STK10: variants seen among roughly 807,000 people sequenced by gnomAD.
STK10 encodes the protein serine/threonine-protein kinase 10.
A neutral mutation model predicts 113.8 loss-of-function variants in STK10; 78 were observed. The ratio of observed to expected loss-of-function variants is 0.69; its 90% CI spans 0.57 to 0.83. STK10 has a LOEUF of 0.83. Among genes scored for constraint, STK10 ranks in the 40% least tolerant of loss-of-function variants. The pLI is 0.00. For missense variants in STK10, 1,109 were observed against 1,280.1 expected (o/e 0.87, Z 2.04); for synonymous variants, 465 against 494.7 (o/e 0.94, Z 0.80).
At chr5:172,070,289 A>G (rs1300976119) in intron 12 of STK10, among the ~76,000 whole-genome samples, 1 of 150,966 alleles carries the variant, frequency 6.6e-6, no homozygotes, top group Non-Finnish European at 1.5e-5. Flanking sequence ...CTATATATAT[A>G]TGTTATTTGA....
intron 3 of STK10, among the ~76,000 whole-genome samples, chr5:172,125,836 T>C (rs1331397762): frequency 6.6e-6 from 1 of 152,214 alleles, no homozygotes; most frequent in Non-Finnish European, 1.5e-5. Context: ...CCCTTTAAAA[T>C]ATAAGTAAAT....
chr5:172,086,162 G>A (rs982285203), intron 10 of STK10, among the ~76,000 whole-genome samples: 5 of 152,210 alleles, frequency 3.3e-5, no homozygotes, highest in African/African-American at 1.2e-4. Flanking sequence ...AGATGACACA[G>A]GTAAAGTGCC....
Position 172,103,125 on chromosome 5 carries a change from C to T in STK10, c.870+2531G>A, listed in dbSNP as rs1769029611. ...AGCCGGTAGACACCCTGAAGGCTGA[C>T]AGCACTGGAGGTGGGGGCTGGGAAG... is the stretch of plus-strand genomic sequence containing the variant. On this transcript the variant is annotated intron_variant, in intron 7 of 18. Coordinates refer to ENST00000176763, the MANE Select transcript of STK10 (RefSeq NM_005990.4). 2.6e-5 allele frequency among the ~76,000 whole-genome samples: 4 copies of T among 152,246 alleles called. No homozygotes were observed. In the South Asian group the frequency reaches 6.2e-4, roughly 24 times the overall value.
intron 1 of STK10, among the ~76,000 whole-genome samples, chr5:172,164,211 TAAAAAAAAAAAA>T (rs57573746): frequency 4.7e-5 from 4 of 84,630 alleles, no homozygotes; most frequent in South Asian, 4.2e-4. Flanking sequence ...AAACTCCATC[TAAAAAAAAAAAA>T]AAAAAAAAAA....
At chr5:172,096,287 G>GT in intron 8 of STK10, 139 bp downstream of exon 8, 1 of 1,359,946 alleles carries the variant, frequency 7.4e-7, no homozygotes, top group Non-Finnish European at 9.9e-7. Flanking sequence ...TACCTGCAGC[G>GT]TGGGAGTCTG....
In STK10 at chr5:172,187,817, T is replaced by C; in HGVS notation, c.156+70A>G. On this transcript the variant is annotated intron_variant, in intron 1 of 18. Transcript: ENST00000176763. The surrounding 1 kb of genome is among the most constrained non-coding windows in gnomAD (Gnocchi z 4.6). Reference sequence around the variant, plus strand: ...CGGAGCCGGAGCCAGGCTGGCCGGGTCCGGCTCAGGCATCCCTTCCTTCCG... The same window carrying C: ...CGGAGCCGGAGCCAGGCTGGCCGGGCCCGGCTCAGGCATCCCTTCCTTCCG... 6.4e-7 allele frequency: 1 copy of C among 1,569,526 alleles called. No homozygotes were observed. The highest frequency in any genetic ancestry group is 1.9e-5 in the Admixed American group (1 of 53,882).
At chr5:172,061,008 C>T in intron 14 of STK10, 131 bp downstream of exon 14, 2 of 1,383,926 alleles carry the variant, frequency 1.4e-6, no homozygotes, top group South Asian at 3.1e-5. Flanking sequence ...CAGGTTTCCC[C>T]ATGAAGAATG....
intron 4 of STK10, among the ~76,000 whole-genome samples, chr5:172,110,928 C>A (rs1464729363): frequency 6.6e-6 from 1 of 152,170 alleles, no homozygotes; most frequent in African/African-American, 2.4e-5. Context: ...GACCCCCCGG[C>A]ACCTCCTGGG....
At chr5:172,124,666 A>G (rs1245624369) in intron 3 of STK10, among the ~76,000 whole-genome samples, 1 of 152,150 alleles carries the variant, frequency 6.6e-6, no homozygotes, top group Admixed American at 6.6e-5. Context: ...ATAATCCTAA[A>G]AGAGACCATC....
At chr5:172,148,092 C>T (rs553329509) in intron 2 of STK10, among the ~76,000 whole-genome samples, 1 of 152,204 alleles carries the variant, frequency 6.6e-6, no homozygotes, top group Admixed American at 6.5e-5. Flanking sequence ...AGGTCTGGGA[C>T]CCTCCTACAC....
chr5:172,089,723 G>GAGTGGGTAGATGAATC (rs1561802873), intron 10 of STK10, among the ~76,000 whole-genome samples: 1 of 151,872 alleles, frequency 6.6e-6, no homozygotes, highest in Non-Finnish European at 1.5e-5. Flanking sequence ...GAAGGTGAGT[G>GAGTGGGTAGATGAATC]AGTGGGTAGA....
intron 13 of STK10, among the ~76,000 whole-genome samples, chr5:172,064,099 C>G (rs1768015115): frequency 6.6e-6 from 1 of 152,012 alleles, no homozygotes; most frequent in African/African-American, 2.4e-5. Context: ...CACACGCAGG[C>G]AGGAGAGAAG....
chr5:172,044,602 C>T lies in STK10; in HGVS notation c.*280G>A, dbSNP rs1767457401. ...TCCTCTTGGACCCTGACCCCACCAA[C>T]AGCCCCATCCCTTCCAGCTTGAAGG... is the stretch of plus-strand genomic sequence containing the variant. On this transcript the variant is annotated 3_prime_UTR_variant, in exon 19 of 19. Transcript: ENST00000176763. This position sits in a 1 kb window ranked among gnomAD's most constrained non-coding sequence, Gnocchi z 4.5. 2 of 502,738 alleles carry T rather than the reference C, an allele frequency of 4.0e-6. No individual in the cohort carries two copies. Among genetic ancestry groups the T allele is most frequent in the South Asian group, 4.5e-5 (2 of 44,738 alleles). 31.1% of individuals were successfully genotyped at this position (502,738 alleles called of 1,614,324 possible). A position where few individuals can be genotyped will look rare whatever the true frequency, so the allele number is the denominator to read the frequency against.
intron 16 of STK10, 51 bp from the exon 17 acceptor site, chr5:172,054,745 GGGTA>G: frequency 6.2e-7 from 1 of 1,600,768 alleles, no homozygotes; most frequent in Non-Finnish European, 8.5e-7. Flanking sequence ...CTGGCTGGTT[GGGTA>G]GGGAGCCCCA....
At chr5:172,176,591 T>C (rs2113838803) in intron 1 of STK10, among the ~76,000 whole-genome samples, 1 of 152,320 alleles carries the variant, frequency 6.6e-6, no homozygotes, top group South Asian at 2.1e-4. Context: ...TCTCTGGTCA[T>C]GGCCTCCTCC....
intron 18 of STK10, among the ~76,000 whole-genome samples, chr5:172,045,685 C>A (rs951415860): frequency 2.0e-5 from 3 of 152,038 alleles, no homozygotes; most frequent in African/African-American, 7.2e-5. Flanking sequence ...TTGGATCCTA[C>A]CAGAAATATT....
At position 172,152,402 on chromosome 5, in the gene STK10, A is replaced by C. The variant is rs1037159292; in HGVS notation, c.321+4222T>G. 2.6e-5 allele frequency among the ~76,000 whole-genome samples: 4 copies of C among 152,340 alleles called. No individual in the cohort carries two copies. In the East Asian group the frequency reaches 7.7e-4, roughly 29 times the overall value. ...CCCCCGGCCATTGAAAGATTTGCCC[A>C]GAGACCAAAATCTGGCTCAGGGCTG... is the stretch of plus-strand genomic sequence containing the variant. On this transcript the variant is annotated intron_variant, in intron 2 of 18. Coordinates refer to ENST00000176763, the MANE Select transcript of STK10 (RefSeq NM_005990.4).
At chr5:172,055,091 T>A (rs1767715567) in intron 16 of STK10, among the ~76,000 whole-genome samples, 1 of 152,182 alleles carries the variant, frequency 6.6e-6, no homozygotes, top group Admixed American at 6.5e-5. Flanking sequence ...TCTACCTCTG[T>A]CCACACACAG....
intron 9 of STK10, among the ~76,000 whole-genome samples, chr5:172,091,026 G>C (rs1214382979): frequency 6.8e-6 from 1 of 146,194 alleles, no homozygotes; most frequent in Non-Finnish European, 1.5e-5. Flanking sequence ...CCAGCCTCTT[G>C]TCCTGTCTGA....
Sources: gnomAD v4.1 joint callset for allele counts (sites outside exome capture counted in the v4.1 genomes callset) on GRCh38, gnomAD v4.1.1 for gene constraint, Gnocchi (gnomAD v3.1) non-coding constraint, MANE v1.5 for transcripts, NCBI Gene and HGNC (gene_info 2026-07-23, HGNC 2026-07-21) for gene names.